ZNF200: variants seen among roughly 807,000 people sequenced by gnomAD.
ZNF200 encodes zinc finger protein 200.
A neutral mutation model predicts 33.6 loss-of-function variants in ZNF200; 35 were observed. That is an observed-to-expected ratio of 1.04 (90% confidence interval 0.80 to 1.38). The LOEUF (loss-of-function observed/expected upper bound fraction) is 1.38. Ranked by LOEUF, ZNF200 falls within the 40% of genes most tolerant of loss-of-function variation. The pLI is 0.00. For missense variants in ZNF200, 592 were observed against 470.6 expected (o/e 1.26, Z -2.39); for synonymous variants, 209 against 167.7 (o/e 1.25, Z -1.90).
chr16:3,227,933 G>A (rs1958514711), intron 4 of ZNF200: 1 of 151,936 alleles, frequency 6.6e-6, no homozygotes, highest in South Asian at 2.1e-4. Flanking sequence ...CTTGTTCCAA[G>A]GGAAAAATGC....
intron 4 of ZNF200, chr16:3,225,015 G>A (rs996805845): frequency 1.8e-5 from 3 of 168,906 alleles, no homozygotes; most frequent in East Asian, 1.7e-4. Context: ...ATAGTAAGAC[G>A]AACCACTTGT....
At chr16:3,232,787 A>G (rs1400324126) in intron 3 of ZNF200, 46 bp downstream of exon 3, 8 of 1,595,442 alleles carry the variant, frequency 5.0e-6, no homozygotes, top group East Asian at 4.5e-5. Context: ...TTGGCCAAGC[A>G]CGGAAGGTGA....
intron 4 of ZNF200, chr16:3,225,517 A>C (rs770559954): frequency 1.3e-5 from 2 of 152,198 alleles, no homozygotes; most frequent in Non-Finnish European, 2.9e-5. Flanking sequence ...ATTAGAAGTC[A>C]GTAGTGTTTC....
At position 3,233,678 on chromosome 16, in the gene ZNF200, C is replaced by G; in HGVS notation, c.78G>C (p.Lys26Asn). 1.2e-6 allele frequency: 2 copies of G among 1,613,868 alleles called. No homozygotes were observed. The highest frequency in any genetic ancestry group is 1.7e-6 in the Non-Finnish European group (2 of 1,179,978). Residue 26 changes from lysine (K) to asparagine (N), a missense_variant, in exon 2 of 5, where the codon AAG (lysine) becomes AAC (asparagine). Transcript: ENST00000414144. Reference sequence around the variant, plus strand: ...CATCTCGAAGTAGGTCTTGGCCCAGCTTGGAGTCTGGCGGAACTCTCAGTA... The same window carrying G: ...CATCTCGAAGTAGGTCTTGGCCCAGGTTGGAGTCTGGCGGAACTCTCAGTA... ...SFILRVPPDS[K>N]LGQDLLRDAT...
intron 4 of ZNF200, among the ~76,000 whole-genome samples, chr16:3,229,988 G>A (rs977415133): frequency 2.0e-5 from 3 of 152,264 alleles, no homozygotes; most frequent in Non-Finnish European, 2.9e-5. Context: ...CTAGTCGGAG[G>A]TGTCTGCATC....
At chr16:3,228,280 T>C (rs1432819131) in intron 4 of ZNF200, among the ~76,000 whole-genome samples, 1 of 152,122 alleles carries the variant, frequency 6.6e-6, no homozygotes, top group African/African-American at 2.4e-5. Flanking sequence ...TTTTTTCCCA[T>C]GAGAGTACTT....
At chr16:3,230,881 T>A (rs1042973820) in intron 4 of ZNF200, among the ~76,000 whole-genome samples, 1 of 152,188 alleles carries the variant, frequency 6.6e-6, no homozygotes, top group Non-Finnish European at 1.5e-5. Flanking sequence ...GGTCCAAATC[T>A]TACCTCAGTC....
chr16:3,227,944 T>G (rs1305882959), intron 4 of ZNF200: 6 of 152,188 alleles, frequency 3.9e-5, no homozygotes, highest in Non-Finnish European at 8.8e-5. Flanking sequence ...GGAAAAATGC[T>G]ATTGGTATTG....
rs1208332658 is a variant in ZNF200 at position 3,232,424 on chromosome 16, G to T, written c.463C>A (p.Leu155Met). Residue 155 changes from leucine to methionine, a missense_variant, in exon 4 of 5, where the codon CTG becomes ATG. By Grantham distance (15) the Leu-to-Met change is conservative. Coordinates refer to ENST00000414144, the MANE Select transcript of ZNF200 (RefSeq NM_198088.3). ...DDSSVGEMML[L>M]AVNGSNPEGE... The stretch of plus-strand genomic sequence containing the variant: ...CACAAAGGCTGTGATTTCTTACCCA[G>T]TAACATCATTTCCCCGACACTGCTG... 6.2e-7 allele frequency: 1 copy of T among 1,613,426 alleles called. No individual in the cohort carries two copies. Among genetic ancestry groups the T allele is most frequent in the Non-Finnish European group, 8.5e-7 (1 of 1,179,728 alleles).
chr16:3,230,497 C>T (rs147242629), intron 4 of ZNF200, among the ~76,000 whole-genome samples: 1 of 152,274 alleles, frequency 6.6e-6, no homozygotes, highest in Non-Finnish European at 1.5e-5. Context: ...ATTCTCCTAT[C>T]ACAGCACACA....
chr16:3,233,118 T>C (rs551582416), intron 2 of ZNF200, among the ~76,000 whole-genome samples, 197 bp from the exon 3 acceptor site: 2 of 152,322 alleles, frequency 1.3e-5, no homozygotes, highest in South Asian at 4.1e-4. Context: ...ATGAAAAGAA[T>C]GACTTCTCTA....
In ZNF200 at chr16:3,224,243, G is replaced by C; in HGVS notation, c.837C>G (p.Pro279=). 1.9e-6 allele frequency: 3 copies of C among 1,614,170 alleles called. No individual in the cohort carries two copies. Among genetic ancestry groups the C allele is most frequent in the South Asian group, 2.2e-5 (2 of 91,080 alleles). ...TTTTCCCACAGTGATTACAGTCATA[G>C]GGTTTTTCTCCAGTGTGGGTCCTCT... ...SHQRTHTGEK[P]YDCNHCGKSF... Residue 279 remains proline (P), a synonymous_variant, in exon 5 of 5, where the codon CCC becomes CCG. Transcript: ENST00000414144.
intron 4 of ZNF200, chr16:3,226,393 T>C (rs1958472745): frequency 6.6e-6 from 1 of 152,198 alleles, no homozygotes; most frequent in Admixed American, 6.5e-5. Flanking sequence ...GATAATGAAA[T>C]GTCAATTTTT....
intron 4 of ZNF200, among the ~76,000 whole-genome samples, chr16:3,231,642 A>G (rs1177536075): frequency 6.6e-6 from 1 of 152,246 alleles, no homozygotes; most frequent in African/African-American, 2.4e-5. Flanking sequence ...CTTGTCAACT[A>G]TTACTGGGAA....
chr16:3,224,891 C>G (rs1360454553), intron 4 of ZNF200: 6 of 392,966 alleles, frequency 1.5e-5, no homozygotes, highest in Non-Finnish European at 2.8e-5. Flanking sequence ...GTTAATTACT[C>G]GACAAGTTCA....
At chr16:3,233,905 A>G in intron 1 of ZNF200, 69 bp from the exon 2 acceptor site, 1 of 1,246,990 alleles carries the variant, frequency 8.0e-7, no homozygotes. Context: ...AATATGTGGC[A>G]TGGCTGGTGA....
chr16:3,233,881 C>A, intron 1 of ZNF200, 45 bp from the exon 2 acceptor site: 61 of 1,409,732 alleles, frequency 4.3e-5, no homozygotes, highest in Middle Eastern at 2.7e-4. Context: ...CCAGGCACGG[C>A]ATTACTGCAC....
At position 3,223,819 on chromosome 16, in the gene ZNF200, T is replaced by C. The variant is rs1958391913; in HGVS notation, c.*73A>G. ...CACATTTATACCTTTTTAGGCAGCT[T>C]GGGAATTCAGAACTACTTATGAAAG... On this transcript the variant is annotated 3_prime_UTR_variant, in exon 5 of 5. Transcript: ENST00000414144. 6.6e-7 allele frequency: 1 copy of C among 1,511,820 alleles called. No individual in the cohort carries two copies. The highest frequency in any genetic ancestry group is 2.3e-5 in the Admixed American group (1 of 43,522). The allele number at this position is 1,511,820 out of a possible 1,614,324, so 93.7% of individuals were successfully genotyped here. A position where few individuals can be genotyped will look rare whatever the true frequency, so the allele number is the denominator to read the frequency against.
chr16:3,224,848 G>A, intron 4 of ZNF200: 1 of 530,968 alleles, frequency 1.9e-6, no homozygotes, highest in African/African-American at 1.9e-5. Context: ...GGATTTCACT[G>A]AAAGACTTCA....
Sources: gnomAD v4.1 joint callset for allele counts (sites outside exome capture counted in the v4.1 genomes callset) on GRCh38, gnomAD v4.1.1 for gene constraint, MANE v1.5 for transcripts, NCBI Gene and HGNC (gene_info 2026-07-23, HGNC 2026-07-21) for gene names.